The following GSTT4 variants were observed in gnomAD, a reference collection of about 807,000 sequenced individuals.
GSTT4 encodes the protein glutathione S-transferase theta 4.
At chr22:24,002,141 T>G (rs140294) in intron 2 of GSTT4, among the ~76,000 whole-genome samples, 115,601 of 151,770 alleles carry the variant, frequency 0.76, 42,338 homozygotes, top group South Asian at 0.81. Flanking sequence ...GGAGTCCACG[T>G]AGGGTAGCCC....
intron 1 of GSTT4, 187 bp downstream of exon 1, chr22:24,005,058 G>C (rs1267168158): frequency 6.6e-6 from 1 of 152,230 alleles, no homozygotes; most frequent in South Asian, 2.1e-4. Context: ...CCAGCTACTT[G>C]GGAGGCTGAG....
At chr22:23,990,653 T>TAAATAAACAAACAAAC in the GSTT4 span, among the ~76,000 whole-genome samples, 1 of 56,770 alleles carries the variant, frequency 1.8e-5, no homozygotes, top group Non-Finnish European at 3.9e-5. Flanking sequence ...AATAAATAAA[T>TAAATAAACAAACAAAC]AAACAAACAA....
chr22:23,990,948 A>G, the GSTT4 span, among the ~76,000 whole-genome samples: 4 of 102,334 alleles, frequency 3.9e-5, no homozygotes, highest in African/African-American at 1.2e-4. Flanking sequence ...AGGCAAGAGG[A>G]TCACTTGAGC....
the GSTT4 span, among the ~76,000 whole-genome samples, chr22:23,993,236 CTT>C: frequency 6.6e-6 from 1 of 152,164 alleles, no homozygotes; most frequent in Non-Finnish European, 1.5e-5. Flanking sequence ...CTTCTTCTCT[CTT>C]GTTTTTTAGA....
intron 2 of GSTT4, among the ~76,000 whole-genome samples, chr22:24,002,130 T>C (rs2034243552): frequency 6.6e-6 from 1 of 152,384 alleles, no homozygotes; most frequent in Non-Finnish European, 1.5e-5. Flanking sequence ...AGAGACACTG[T>C]GGAGTCCACG....
At chr22:24,002,353 A>T (rs931067233) in intron 2 of GSTT4, among the ~76,000 whole-genome samples, 1 of 152,224 alleles carries the variant, frequency 6.6e-6, no homozygotes, top group Admixed American at 6.5e-5. Context: ...AAGGGGATGG[A>T]GGGGAGACAT....
chr22:23,996,921 A>G (rs2034122111), downstream of GSTT4, among the ~76,000 whole-genome samples: 1 of 152,064 alleles, frequency 6.6e-6, no homozygotes, highest in African/African-American at 2.4e-5. Context: ...TAGTTCTTCA[A>G]GCTTTTGGTT....
chr22:23,992,052 C>CAAAAA, the GSTT4 span, among the ~76,000 whole-genome samples: 9 of 71,182 alleles, frequency 1.3e-4, 1 homozygote, highest in Non-Finnish European at 2.2e-4. Flanking sequence ...TACTCCGTCT[C>CAAAAA]AAAAAAAAAA....
downstream of GSTT4, among the ~76,000 whole-genome samples, chr22:23,996,105 G>A (rs370318419): frequency 9.9e-5 from 15 of 151,896 alleles, no homozygotes; most frequent in East Asian, 9.7e-4. Context: ...CACCACGCCC[G>A]GCTAATTTTT....
chr22:24,002,784 T>C (rs2034260738), intron 2 of GSTT4, among the ~76,000 whole-genome samples: 1 of 34,616 alleles, frequency 2.9e-5, no homozygotes, highest in South Asian at 1.2e-3. Context: ...TGAGCCAAGA[T>C]AGCGCCACTG....
At chr22:24,001,513 G>GCGC (rs2034230013) in intron 2 of GSTT4, among the ~76,000 whole-genome samples, 188 bp from the exon 3 acceptor site, 1 of 152,284 alleles carries the variant, frequency 6.6e-6, no homozygotes, top group Non-Finnish European at 1.5e-5. Flanking sequence ...GAGCCCTGCG[G>GCGC]GGTGAGTAGG....
At position 24,003,855 on chromosome 22, in the gene GSTT4, G is replaced by A; in HGVS notation, c.113-8C>T. Reference sequence around the variant, plus strand: ...CTTTGCTGTGGTGGTGACCTGGGAGGGGCAGGGAAGGTCTGAGGCTGTGGG... The same window carrying A: ...CTTTGCTGTGGTGGTGACCTGGGAGAGGCAGGGAAGGTCTGAGGCTGTGGG... On this transcript the variant is annotated splice_polypyrimidine_tract_variant and splice_region_variant and intron_variant, in intron 1 of 4. Transcript: ENST00000621179. 6.4e-6 allele frequency: 1 copy of A among 155,812 alleles called. No individual in the cohort carries two copies. Among genetic ancestry groups the A allele is most frequent in the Non-Finnish European group, 1.5e-5 (1 of 68,548 alleles). 9.7% of individuals were successfully genotyped at this position (155,812 alleles called of 1,614,324 possible). A position where few individuals can be genotyped will look rare whatever the true frequency, so the allele number is the denominator to read the frequency against.
downstream of GSTT4, among the ~76,000 whole-genome samples, chr22:23,997,116 C>T (rs2034123881): frequency 6.6e-6 from 1 of 152,084 alleles, no homozygotes; most frequent in African/African-American, 2.4e-5. Context: ...AAATTGTCCA[C>T]ATATAGTTAT....
At chr22:23,993,822 T>C (rs1232284012), downstream of GSTT4, among the ~76,000 whole-genome samples, 1 of 151,520 alleles carries the variant, frequency 6.6e-6, no homozygotes, top group Non-Finnish European at 1.5e-5. Context: ...CCAAGCCTTA[T>C]GTGTGGACAA....
At position 24,002,875 on chromosome 22, in the gene GSTT4, A is replaced by G. The variant is rs568957731; in HGVS notation, c.200+885T>C. The stretch of plus-strand genomic sequence containing the variant: ...ACTTCTTTGGATCCTGATCCAAACA[A>G]ACTGCCAAGAAAATGTTTAGGAGAT... On this transcript the variant is annotated intron_variant, in intron 2 of 4. Transcript: ENST00000621179. Among the ~76,000 whole-genome samples, 958 of 152,374 alleles carry G rather than the reference A, an allele frequency of 6.3e-3. 5 individuals carry two copies. The highest frequency in any genetic ancestry group is 9.3e-3 in the Non-Finnish European group (630 of 68,038).
rs1375701962 is a variant in GSTT4, at chr22:24,000,127, G to C, written c.476C>G (p.Thr159Ser). 3 of 156,258 alleles carry C rather than the reference G, an allele frequency of 1.9e-5. No individual in the cohort carries two copies. The highest frequency in any genetic ancestry group is 3.8e-4 in the East Asian group (2 of 5,214). The allele number at this position is 156,258 out of a possible 1,614,324, so 9.7% of individuals were successfully genotyped here. A position where few individuals can be genotyped will look rare whatever the true frequency, so the allele number is the denominator to read the frequency against. The stretch of plus-strand genomic sequence containing the variant: ...GTCAGCCAGTGAGATTTGGTTCCCG[G>C]TGATGAACATCTTATCCTGCAGAAA... ...EYFLQDKMFI[T>S]GNQISLADLV... Residue 159 changes from threonine (T) to serine (S), a missense_variant, in exon 4 of 5, where the codon ACC (threonine) becomes AGC (serine). Coordinates refer to ENST00000621179, the MANE Select transcript of GSTT4 (RefSeq NM_001358664.2).
the GSTT4 span, among the ~76,000 whole-genome samples, chr22:23,992,357 A>G: frequency 6.9e-6 from 1 of 145,254 alleles, no homozygotes; most frequent in Non-Finnish European, 1.5e-5. Flanking sequence ...TTTGCAAAAG[A>G]GAAAAGATTT....
At chr22:24,002,405 G>GT (rs1431683059) in intron 2 of GSTT4, among the ~76,000 whole-genome samples, 2 of 152,276 alleles carry the variant, frequency 1.3e-5, no homozygotes, top group African/African-American at 2.4e-5. Flanking sequence ...TTGATGGCTG[G>GT]TGTGGGAACC....
At chr22:23,992,806 T>C in the GSTT4 span, among the ~76,000 whole-genome samples, 2 of 151,654 alleles carry the variant, frequency 1.3e-5, no homozygotes, top group Admixed American at 6.6e-5. Context: ...GACAGGGTCT[T>C]GCTGTTGCCC....
Sources: gnomAD v4.1 joint callset for allele counts (sites outside exome capture counted in the v4.1 genomes callset) on GRCh38, gnomAD v4.1.1 for gene constraint, MANE v1.5 for transcripts, NCBI Gene and HGNC (gene_info 2026-07-23, HGNC 2026-07-21) for gene names.